ZFHX3: variants seen among roughly 807,000 people sequenced by gnomAD.
ZFHX3 encodes zinc finger homeobox protein 3.
ZFHX3 carries 42 observed loss-of-function variants against 279.1 expected under a neutral mutation model. The observed-to-expected ratio is 0.15, with a 90% confidence interval of 0.12 to 0.19. The LOEUF (loss-of-function observed/expected upper bound fraction) is 0.19. Among genes scored for constraint, ZFHX3 ranks in the 10% least tolerant of loss-of-function variants. ZFHX3 has a pLI of 1.00. For synonymous variants in ZFHX3, 2,293 were observed against 1,957.8 expected, an observed-to-expected ratio of 1.17 and a Z score of -4.52; for missense variants, 4,981 against 4,754.0, an observed-to-expected ratio of 1.05 and a Z score of -1.40.
chr16:73,835,355 T>C (rs1961110484), intron 1 of ZFHX3, among the ~76,000 whole-genome samples: 1 of 151,946 alleles, frequency 6.6e-6, no homozygotes, highest in Admixed American at 6.6e-5. Context: ...AAGAAAATTA[T>C]TTTTCTTTCC....
chr16:73,860,949 T>A (rs2142389772), intron 1 of ZFHX3, among the ~76,000 whole-genome samples: 1 of 152,070 alleles, frequency 6.6e-6, no homozygotes, highest in South Asian at 2.1e-4. Flanking sequence ...GTAGGTTCTA[T>A]GATGGAAATA....
At chr16:73,145,470 C>A (rs867115577) in intron 5 of ZFHX3, among the ~76,000 whole-genome samples, 8 of 152,184 alleles carry the variant, frequency 5.3e-5, no homozygotes, top group African/African-American at 1.9e-4. Flanking sequence ...GGGCGATTGG[C>A]TTTATTGGAA....
At chr16:72,922,593 A>T (rs1044893534) in intron 3 of ZFHX3, among the ~76,000 whole-genome samples, 7 of 152,146 alleles carry the variant, frequency 4.6e-5, no homozygotes, top group Non-Finnish European at 8.8e-5. Flanking sequence ...GACAGCCAGT[A>T]CCACACGAAC....
chr16:73,341,801 C>G lies in ZFHX3; in HGVS notation c.-1290-23465G>C, dbSNP rs190790018. On this transcript the variant is annotated intron_variant, in intron 3 of 17. Transcript: ENST00000641206. ...GATATATACCATAATCTAGATAAGG[C>G]TTAAAAATATAATGCTCAAGTAAAG... Among the ~76,000 whole-genome samples the G allele has an allele frequency of 1.7e-3, 257 of 152,208 alleles. 2 individuals carry two copies. Among genetic ancestry groups the G allele is most frequent in the African/African-American group, 5.6e-3 (231 of 41,546 alleles).
chr16:73,107,477 C>T (rs1287165588), intron 7 of ZFHX3, among the ~76,000 whole-genome samples: 3 of 152,078 alleles, frequency 2.0e-5, no homozygotes, highest in African/African-American at 7.2e-5. Context: ...TCTTCTCAAC[C>T]GACAAATGTT....
At chr16:73,202,652 C>T (rs962775807) in intron 5 of ZFHX3, among the ~76,000 whole-genome samples, 2 of 152,204 alleles carry the variant, frequency 1.3e-5, no homozygotes, top group African/African-American at 4.8e-5. Context: ...TCTAGCTTTC[C>T]AGGCTCACCT....
At chr16:72,931,247 T>A (rs1959780254) in intron 3 of ZFHX3, among the ~76,000 whole-genome samples, 1 of 152,164 alleles carries the variant, frequency 6.6e-6, no homozygotes, top group Non-Finnish European at 1.5e-5. Flanking sequence ...CTTGGTGAGA[T>A]TTTGTTTCTG....
At chr16:73,206,345 A>T (rs2011802363) in intron 5 of ZFHX3, among the ~76,000 whole-genome samples, 1 of 152,196 alleles carries the variant, frequency 6.6e-6, no homozygotes, top group Non-Finnish European at 1.5e-5. Context: ...ACCACTATTG[A>T]TACTGGGGAG....
Position 72,836,105 on chromosome 16 carries a change from G to C in ZFHX3, c.3449-6246C>G, listed in dbSNP as rs181082648. 4.6e-5 allele frequency among the ~76,000 whole-genome samples: 7 copies of C among 152,318 alleles called. No individual in the cohort carries two copies. In the East Asian group the frequency reaches 1.4e-3, roughly 29 times the overall value. On this transcript the variant is annotated intron_variant, in intron 4 of 9. Transcript: ENST00000268489. ...CGGGCAGTTGTGTTGCTCCCAGCTT[G>C]TTACTTCTACTCCCGTCTTCTCTCT...
intron 1 of ZFHX3, among the ~76,000 whole-genome samples, chr16:73,736,273 C>T (rs575206866): frequency 8.5e-5 from 13 of 152,312 alleles, no homozygotes; most frequent in African/African-American, 3.1e-4. Flanking sequence ...CCAATGGCTA[C>T]TTTAGTTTCA....
At chr16:73,016,371 A>G (rs773357115) in intron 1 of ZFHX3, among the ~76,000 whole-genome samples, 2 of 152,122 alleles carry the variant, frequency 1.3e-5, no homozygotes, top group African/African-American at 2.4e-5. Flanking sequence ...TTTGTACATG[A>G]CAAGATGAAG....
chr16:73,198,083 G>A (rs1004744947), intron 5 of ZFHX3, among the ~76,000 whole-genome samples: 5 of 151,752 alleles, frequency 3.3e-5, no homozygotes, highest in East Asian at 1.9e-4. Flanking sequence ...GACTACAGGC[G>A]CGTGCTGCCA....
intron 2 of ZFHX3, among the ~76,000 whole-genome samples, chr16:73,514,423 C>T (rs539679184): frequency 6.6e-6 from 1 of 152,108 alleles, no homozygotes; most frequent in African/African-American, 2.4e-5. Flanking sequence ...GCATTTTATA[C>T]ATATTTTCAA....
intron 4 of ZFHX3, among the ~76,000 whole-genome samples, chr16:73,317,895 A>G (rs2015490546): frequency 6.6e-6 from 1 of 152,230 alleles, no homozygotes; most frequent in Admixed American, 6.5e-5. Context: ...CCCATTCCCA[A>G]TCTTTCCCAG....
chr16:73,403,265 A>T (rs73592876), intron 3 of ZFHX3, among the ~76,000 whole-genome samples: 3,003 of 152,304 alleles, frequency 0.02, 97 homozygotes, highest in African/African-American at 0.068. Flanking sequence ...GGAGTGAAAC[A>T]CCGAGGGCTG....
At chr16:73,086,488 G>T (rs973592956) in intron 8 of ZFHX3, among the ~76,000 whole-genome samples, 4 of 152,144 alleles carry the variant, frequency 2.6e-5, no homozygotes, top group African/African-American at 9.7e-5. Flanking sequence ...AATGGATAAA[G>T]AAAATGTGGT....
intron 1 of ZFHX3, among the ~76,000 whole-genome samples, chr16:73,058,345 C>T (rs1220730558): frequency 1.4e-5 from 2 of 147,148 alleles, no homozygotes; most frequent in Non-Finnish European, 3.0e-5. Flanking sequence ...GAGCAGGGCG[C>T]GGGCGCGGGG....
intron 3 of ZFHX3, among the ~76,000 whole-genome samples, chr16:72,944,002 C>T (rs1429941114): frequency 1.3e-5 from 2 of 152,104 alleles, no homozygotes; most frequent in African/African-American, 4.8e-5. Flanking sequence ...TATCTACTGA[C>T]CTAAAAGATT....
In ZFHX3 at chr16:73,100,989, T is replaced by C. The variant is rs374297157; in HGVS notation, c.-896-7391A>G. 2.6e-5 allele frequency among the ~76,000 whole-genome samples: 4 copies of C among 152,304 alleles called. No individual in the cohort carries two copies. The East Asian group carries it at 7.7e-4, about 29-fold the overall frequency. On this transcript the variant is annotated intron_variant, in intron 7 of 17. Transcript: ENST00000641206. ...TGACTGCTGCTTTCTGCTTTATCCATGTCCTTAGGATCCACCATGTCCTTG... is the reference window on the plus strand; with the variant it reads ...TGACTGCTGCTTTCTGCTTTATCCACGTCCTTAGGATCCACCATGTCCTTG...
Sources: gnomAD v4.1 joint callset for allele counts (sites outside exome capture counted in the v4.1 genomes callset) on GRCh38, gnomAD v4.1.1 for gene constraint, MANE v1.5 for transcripts, NCBI Gene and HGNC (gene_info 2026-07-23, HGNC 2026-07-21) for gene names.